The following SLC30A6 variants were observed in gnomAD, a reference collection of about 807,000 sequenced individuals.
The protein encoded by SLC30A6 is solute carrier family 30 member 6, also known as zinc transporter 6.
In SLC30A6, 55 loss-of-function variants were observed where a neutral mutation model predicts 63.0. The ratio of observed to expected loss-of-function variants is 0.87; its 90% CI spans 0.70 to 1.09. The LOEUF (loss-of-function observed/expected upper bound fraction) is 1.09, where lower values mean the gene tolerates loss of function less well. Ranked by LOEUF, SLC30A6 falls within the 50% of genes least tolerant of loss-of-function variation. The pLI, the probability that SLC30A6 is intolerant of heterozygous loss-of-function variation, is 0.00. For synonymous variants in SLC30A6, 224 were observed against 186.1 expected (o/e 1.20, Z -1.66); for missense variants, 587 against 549.2 (o/e 1.07, Z -0.69).
At chr2:32,203,109 G>C (rs1342045249) in intron 10 of SLC30A6, 2 of 1,309,492 alleles carry the variant, frequency 1.5e-6, no homozygotes, top group Admixed American at 1.7e-5. Flanking sequence ...CTTCAGAGAA[G>C]GTAGTTTTAA....
At position 32,165,893 on chromosome 2, in the gene SLC30A6, T is replaced by A; in HGVS notation, c.-8T>A. 1 of 1,614,134 alleles carries A rather than the reference T, an allele frequency of 6.2e-7. No homozygotes were observed. Among genetic ancestry groups the A allele is most frequent in the Non-Finnish European group, 8.5e-7 (1 of 1,180,004 alleles). On this transcript the variant is annotated 5_prime_UTR_variant, in exon 1 of 14. Transcript: ENST00000282587. ...CGGCTTCCGGCGGGAGCTGTGCAGC[T>A]CCTTATCATGGTGAGTTGGCTGTTG... is the stretch of plus-strand genomic sequence containing the variant.
At chr2:32,193,710 A>G (rs554336919) in intron 7 of SLC30A6, among the ~76,000 whole-genome samples, 179 bp from the exon 8 acceptor site, 36 of 152,368 alleles carry the variant, frequency 2.4e-4, no homozygotes, top group African/African-American at 7.5e-4. Flanking sequence ...ATGGAGCAAC[A>G]GTAGATGGGA....
intron 5 of SLC30A6, among the ~76,000 whole-genome samples, chr2:32,188,056 C>T (rs970055464): frequency 3.3e-5 from 5 of 152,264 alleles, no homozygotes; most frequent in African/African-American, 9.6e-5. Context: ...ATTTACAAAG[C>T]CCTTATATGA....
chr2:32,193,806 T>C, intron 7 of SLC30A6, 83 bp from the exon 8 acceptor site: 1 of 1,071,972 alleles, frequency 9.3e-7, no homozygotes. Context: ...CCTTCCCACC[T>C]CTTAGTCCCT....
chr2:32,194,806 A>G (rs1444975875), intron 8 of SLC30A6, among the ~76,000 whole-genome samples: 1 of 152,204 alleles, frequency 6.6e-6, no homozygotes, highest in Non-Finnish European at 1.5e-5. Flanking sequence ...CATGAATTAG[A>G]AAATTAAATA....
chr2:32,180,205 C>G (rs367929865), intron 4 of SLC30A6, among the ~76,000 whole-genome samples: 1 of 152,052 alleles, frequency 6.6e-6, no homozygotes, highest in African/African-American at 2.4e-5. Context: ...AGTTCAAGAC[C>G]AGCCTGGGCA....
At chr2:32,177,158 C>G (rs1414533907) in intron 4 of SLC30A6, among the ~76,000 whole-genome samples, 2 of 152,162 alleles carry the variant, frequency 1.3e-5, no homozygotes, top group East Asian at 1.9e-4. Flanking sequence ...ATTCCATTCT[C>G]TTCTCCAGCC....
intron 10 of SLC30A6, among the ~76,000 whole-genome samples, chr2:32,199,269 A>T (rs1684057916): frequency 6.6e-6 from 1 of 152,146 alleles, no homozygotes; most frequent in Non-Finnish European, 1.5e-5. Flanking sequence ...AATTGGTTGC[A>T]TTTCTTTGAC....
Position 32,195,224 on chromosome 2 carries a change from T to C in SLC30A6, c.496+1241T>C, listed in dbSNP as rs573964301. On this transcript the variant is annotated intron_variant, in intron 8 of 13. Coordinates refer to ENST00000282587, the MANE Select transcript of SLC30A6 (RefSeq NM_017964.5). ...AAGGGGTTACAGGAATGTGCCACCA[T>C]GCCTGGCTGATTTTTGTATTTTTAG... is the stretch of plus-strand genomic sequence containing the variant. Among the ~76,000 whole-genome samples, 385 of 150,452 alleles carry C rather than the reference T, an allele frequency of 2.6e-3. 6 individuals are homozygous for C. In the South Asian group the frequency reaches 0.037, roughly 15 times the overall value.
intron 2 of SLC30A6, 26 bp from the exon 3 acceptor site, chr2:32,174,037 C>G: frequency 6.4e-7 from 1 of 1,572,254 alleles, no homozygotes; most frequent in Non-Finnish European, 8.7e-7. Flanking sequence ...CTTCTGTACA[C>G]ATAAGAGTGA....
At position 32,166,958 on chromosome 2, in the gene SLC30A6, T is replaced by A. The variant is rs374293984; in HGVS notation, c.3+1055T>A. 2.8e-4 allele frequency among the ~76,000 whole-genome samples: 43 copies of A among 152,180 alleles called. 2 individuals are homozygous for A. Among genetic ancestry groups the A allele is most frequent in the Middle Eastern group, 6.8e-3 (2 of 292 alleles). On this transcript the variant is annotated intron_variant, in intron 1 of 13. Coordinates refer to ENST00000282587, the MANE Select transcript of SLC30A6 (RefSeq NM_017964.5). ...GTTATATTTCTAAAATTTGACCACA[T>A]CACTCCCTTACTCAAATTTTCTCCT... is the stretch of plus-strand genomic sequence containing the variant.
At chr2:32,210,593 T>C (rs185945852) in intron 13 of SLC30A6, among the ~76,000 whole-genome samples, 99 of 151,800 alleles carry the variant, frequency 6.5e-4, no homozygotes, top group African/African-American at 2.3e-3. Flanking sequence ...TTTAATTAAT[T>C]TATCATGAAC....
intron 13 of SLC30A6, among the ~76,000 whole-genome samples, chr2:32,211,615 T>C (rs1685261614): frequency 1.3e-5 from 2 of 151,990 alleles, no homozygotes; most frequent in South Asian, 4.1e-4. Flanking sequence ...CTTTCTTCTT[T>C]TTTTTTTTAT....
chr2:32,197,451 T>C lies in SLC30A6; in HGVS notation c.545+59T>C, dbSNP rs374416514. On this transcript the variant is annotated intron_variant, in intron 9 of 13. Transcript: ENST00000282587. ...TTTAAAGGAATACACAAGAAATGCA[T>C]CTATCATGGGAACTTAAATTATTCG... The C allele has an allele frequency of 2.7e-6, 4 of 1,491,900 alleles. No homozygotes were observed. In the African/African-American group the frequency reaches 5.5e-5, roughly 21 times the overall value. 92.4% of individuals were successfully genotyped at this position (1,491,900 alleles called of 1,614,324 possible). A position where few individuals can be genotyped will look rare whatever the true frequency, so the allele number is the denominator to read the frequency against.
chr2:32,183,940 A>C (rs1682582078), intron 4 of SLC30A6, among the ~76,000 whole-genome samples: 1 of 152,162 alleles, frequency 6.6e-6, no homozygotes, highest in East Asian at 1.9e-4. Context: ...ATTTTTTAGC[A>C]TTTTCAGTTA....
intron 4 of SLC30A6, among the ~76,000 whole-genome samples, chr2:32,182,958 G>C (rs1682461397): frequency 6.6e-6 from 1 of 152,142 alleles, no homozygotes; most frequent in African/African-American, 2.4e-5. Flanking sequence ...GGAGGCCGAG[G>C]TGGGTGGATC....
At position 32,168,921 on chromosome 2, in the gene SLC30A6, T is replaced by A. The variant is rs983531462; in HGVS notation, c.4-2366T>A. Among the ~76,000 whole-genome samples, 2 of 152,236 alleles carry A rather than the reference T, an allele frequency of 1.3e-5. 1 individual carries two copies. Among genetic ancestry groups the A allele is most frequent in the South Asian group, 4.2e-4 (2 of 4,812 alleles). On this transcript the variant is annotated intron_variant, in intron 1 of 13. Coordinates refer to ENST00000282587, the MANE Select transcript of SLC30A6 (RefSeq NM_017964.5). ...TGGGAAGAGTGATATGACATTAGGATTTTTGTTTTATTTTCATTGTCAGGA... is the reference window on the plus strand; with the variant it reads ...TGGGAAGAGTGATATGACATTAGGAATTTTGTTTTATTTTCATTGTCAGGA...
In SLC30A6 at chr2:32,223,000, A is replaced by G. The variant is rs889967451; in HGVS notation, c.*2287A>G. The stretch of plus-strand genomic sequence containing the variant: ...AACACCTGTGCATCTGTCCCACCAA[A>G]GGTGCTTTAATACCTACCTTCACTA... On this transcript the variant is annotated 3_prime_UTR_variant, in exon 14 of 14. Transcript: ENST00000282587. 4 of 152,228 alleles carry G rather than the reference A, an allele frequency of 2.6e-5. No individual in the cohort carries two copies. The highest frequency in any genetic ancestry group is 9.6e-5 in the African/African-American group (4 of 41,460). The allele number at this position is 152,228 out of a possible 1,614,324, so 9.4% of individuals were successfully genotyped here.
At chr2:32,179,567 G>T (rs944800440) in intron 4 of SLC30A6, among the ~76,000 whole-genome samples, 1 of 152,172 alleles carries the variant, frequency 6.6e-6, no homozygotes, top group Non-Finnish European at 1.5e-5. Context: ...AGATGAAACC[G>T]ATCCTGCTGG....
Sources: gnomAD v4.1 joint callset for allele counts (sites outside exome capture counted in the v4.1 genomes callset) on GRCh38, gnomAD v4.1.1 for gene constraint, MANE v1.5 for transcripts, NCBI Gene and HGNC (gene_info 2026-07-23, HGNC 2026-07-21) for gene names.